Variants in COMMD10 observed in about 807,000 individuals in gnomAD.
COMMD10 encodes COMM domain-containing protein 10.
COMMD10 carries 33 observed loss-of-function variants against 28.9 expected under a neutral mutation model. The ratio of observed to expected loss-of-function variants is 1.14; its 90% confidence interval spans 0.87 to 1.53. The LOEUF (loss-of-function observed/expected upper bound fraction) is 1.53, where lower values mean the gene tolerates loss of function less well. Ranked by LOEUF, COMMD10 falls within the 40% of genes most tolerant of loss-of-function variation. The pLI, the probability that COMMD10 is intolerant of heterozygous loss-of-function variation, is 0.00. For missense variants in COMMD10, 310 were observed against 233.4 expected (o/e 1.33, Z -2.14); for synonymous variants, 110 against 81.7 (o/e 1.35, Z -1.87).
chr5:116,198,207 C>A (rs575814388), intron 5 of COMMD10, among the ~76,000 whole-genome samples: 1 of 152,174 alleles, frequency 6.6e-6, no homozygotes, highest in East Asian at 1.9e-4. Context: ...TTTGGTTTTT[C>A]CCTTTTTGTA....
intron 5 of COMMD10, among the ~76,000 whole-genome samples, chr5:116,217,044 C>T (rs1200873622): frequency 6.6e-6 from 1 of 151,684 alleles, no homozygotes; most frequent in Non-Finnish European, 1.5e-5. Context: ...ATTACATAGT[C>T]ATTAAAAAAC....
chr5:116,206,106 C>T (rs1001896731), intron 5 of COMMD10, among the ~76,000 whole-genome samples: 20 of 152,142 alleles, frequency 1.3e-4, no homozygotes, highest in Admixed American at 3.3e-4. Context: ...ATCAAACGTT[C>T]AGAACATCAG....
intron 4 of COMMD10, among the ~76,000 whole-genome samples, chr5:116,118,957 T>C (rs531593432): frequency 5.9e-5 from 9 of 152,228 alleles, no homozygotes; most frequent in African/African-American, 1.4e-4. Flanking sequence ...ATCACTCTTA[T>C]TATGTCACAG....
intron 5 of COMMD10, among the ~76,000 whole-genome samples, chr5:116,265,035 C>G (rs1002326475): frequency 6.6e-6 from 1 of 151,780 alleles, no homozygotes. Context: ...GATTTGGTCA[C>G]CAGTGAAATG....
At chr5:116,159,956 A>G (rs1561639188) in intron 5 of COMMD10, among the ~76,000 whole-genome samples, 1 of 152,210 alleles carries the variant, frequency 6.6e-6, no homozygotes, top group Non-Finnish European at 1.5e-5. Context: ...TTGTTCCAAT[A>G]ACATTGTATT....
chr5:116,143,230 T>A (rs1218603348), intron 5 of COMMD10, among the ~76,000 whole-genome samples: 1 of 151,576 alleles, frequency 6.6e-6, no homozygotes, highest in Non-Finnish European at 1.5e-5. Context: ...TTTTCATATT[T>A]CAGGCTGTCA....
chr5:116,238,210 T>C (rs1749724048), intron 5 of COMMD10, among the ~76,000 whole-genome samples: 1 of 152,206 alleles, frequency 6.6e-6, no homozygotes, highest in Non-Finnish European at 1.5e-5. Flanking sequence ...TTCAGAATTA[T>C]TTGTAGCCAC....
chr5:116,091,052 T>C, intron 2 of COMMD10, 27 bp from the exon 3 acceptor site: 1 of 1,382,452 alleles, frequency 7.2e-7, no homozygotes, highest in Non-Finnish European at 1.0e-6. Flanking sequence ...TATGTGCTAA[T>C]ATAATAGATT....
intron 5 of COMMD10, among the ~76,000 whole-genome samples, chr5:116,151,195 C>T (rs1342702973): frequency 6.6e-6 from 1 of 151,562 alleles, no homozygotes; most frequent in South Asian, 2.1e-4. Context: ...AGCCTTGCAT[C>T]CCAGGGATGA....
chr5:116,206,576 C>T (rs566237589), intron 5 of COMMD10, among the ~76,000 whole-genome samples: 11 of 151,944 alleles, frequency 7.2e-5, no homozygotes, highest in Non-Finnish European at 1.3e-4. Flanking sequence ...TGCTTGAATC[C>T]GGGAGGCAGA....
chr5:116,203,380 A>G (rs1748722593), intron 5 of COMMD10, among the ~76,000 whole-genome samples: 2 of 152,138 alleles, frequency 1.3e-5, no homozygotes, highest in Admixed American at 6.5e-5. Flanking sequence ...GATTCAGGAA[A>G]TACAGAGAAC....
At chr5:116,288,841 C>G (rs1751287004) in intron 5 of COMMD10, among the ~76,000 whole-genome samples, 1 of 142,262 alleles carries the variant, frequency 7.0e-6, no homozygotes, top group African/African-American at 2.6e-5. Context: ...TATCATTTTC[C>G]TGATTGTTTT....
rs779808852 is a variant in COMMD10, at chr5:116,293,251, C to A, written c.*762C>A. 2.8e-6 allele frequency: 1 copy of A among 357,018 alleles called. No homozygotes were observed. Among genetic ancestry groups the A allele is most frequent in the Non-Finnish European group, 5.0e-6 (1 of 200,412 alleles). The allele number at this position is 357,018 out of a possible 1,614,324, so 22.1% of individuals were successfully genotyped here. ...CTTTTATATTCTCTTTCCATAAATA[C>A]GTTGATTTCTGTCAATAAAATTTTT... On this transcript the variant is annotated 3_prime_UTR_variant, in exon 7 of 7. Coordinates refer to ENST00000274458, the MANE Select transcript of COMMD10 (RefSeq NM_016144.4).
chr5:116,225,842 G>A (rs936411918), intron 5 of COMMD10, among the ~76,000 whole-genome samples: 1 of 151,112 alleles, frequency 6.6e-6, no homozygotes, highest in African/African-American at 2.4e-5. Flanking sequence ...TTTTTCACTA[G>A]GCTTCATAGG....
intron 5 of COMMD10, among the ~76,000 whole-genome samples, chr5:116,242,559 T>A (rs1374628217): frequency 1.3e-5 from 2 of 152,190 alleles, no homozygotes; most frequent in Non-Finnish European, 2.9e-5. Context: ...GTGGCCTGCT[T>A]CCAAAGCTTG....
rs181750035 is a variant in COMMD10 at position 116,280,309 on chromosome 5, T to C, written c.511-11208T>C. ...GAAAAGTAGAAATTTATTCATTCACTCTGCCTAGGATGCTTTGCTTGCACT... is the reference window on the plus strand; with the variant it reads ...GAAAAGTAGAAATTTATTCATTCACCCTGCCTAGGATGCTTTGCTTGCACT... On this transcript the variant is annotated intron_variant, in intron 5 of 6. Coordinates refer to ENST00000274458, the MANE Select transcript of COMMD10 (RefSeq NM_016144.4). Among the ~76,000 whole-genome samples, 29 of 151,992 alleles carry C rather than the reference T, an allele frequency of 1.9e-4. 1 individual carries two copies. The highest frequency in any genetic ancestry group is 3.7e-4 in the Non-Finnish European group (25 of 68,010).
chr5:116,138,267 G>C (rs1752088944), intron 5 of COMMD10, among the ~76,000 whole-genome samples: 1 of 151,598 alleles, frequency 6.6e-6, no homozygotes, highest in Non-Finnish European at 1.5e-5. Context: ...CTACATTATT[G>C]ACTTTTTTGT....
At chr5:116,166,169 G>A (rs200774147) in intron 5 of COMMD10, among the ~76,000 whole-genome samples, 1 of 113,792 alleles carries the variant, frequency 8.8e-6, no homozygotes, top group Non-Finnish European at 1.9e-5. Flanking sequence ...GGCGATAGTT[G>A]TTCCTCAGAG....
chr5:116,289,549 G>A (rs563461216), intron 5 of COMMD10, among the ~76,000 whole-genome samples: 8 of 151,826 alleles, frequency 5.3e-5, no homozygotes, highest in East Asian at 1.9e-4. Flanking sequence ...GGTGCTGGGC[G>A]TGTGAGTGCC....
Sources: allele counts gnomAD v4.1 joint callset (sites outside exome capture counted in the v4.1 genomes callset), GRCh38; gene constraint gnomAD v4.1.1; transcripts MANE v1.5; gene names NCBI Gene and HGNC (gene_info 2026-07-23, HGNC 2026-07-21).